The following KRTAP20-2 variants were observed in gnomAD, a reference collection of about 807,000 sequenced individuals.
KRTAP20-2 encodes the protein keratin associated protein 20-2.
A neutral mutation model predicts 5.2 loss-of-function variants in KRTAP20-2; 7 were observed. The ratio of observed to expected loss-of-function variants is 1.36; its 90% CI spans 0.77 to 2.55. The LOEUF (loss-of-function observed/expected upper bound fraction) is 2.55. Ranked by LOEUF, KRTAP20-2 falls within the 30% of genes most tolerant of loss-of-function variation. The pLI, the probability that KRTAP20-2 is intolerant of heterozygous loss-of-function variation, is 0.00. For synonymous variants in KRTAP20-2, 32 were observed against 33.7 expected (o/e 0.95, Z 0.17); for missense variants, 84 against 84.0 (o/e 1.00, Z 0.00).
chr21:30,635,307 A>G lies in KRTAP20-2; in HGVS notation c.44A>G (p.Tyr15Cys), dbSNP rs1484186650. Residue 15 changes from tyrosine to cysteine, a missense_variant, in exon 1 of 1, where the codon TAT becomes TGT. Physicochemically the swap from Tyr to Cys is radical, Grantham distance 194. Coordinates refer to ENST00000330798, the MANE Select transcript of KRTAP20-2 (RefSeq NM_181616.3). ...TACTATGGTGGTCTGCGTTATGGCT[A>G]TGGAGTCCTGGGCGGTGGCTATGGC... The part of the protein sequence containing the change: ...SNYYGGLRYG[Y>C]GVLGGGYGCG... 1.2e-6 allele frequency: 2 copies of G among 1,614,044 alleles called. No homozygotes were observed. Among genetic ancestry groups the G allele is most frequent in the Non-Finnish European group, 1.7e-6 (2 of 1,179,926 alleles).
Position 30,635,296 on chromosome 21 carries a change from G to C in KRTAP20-2, c.33G>C (p.Leu11=), listed in dbSNP as rs1418329725. MCYYSNYYGG[L]RYGYGVLGGG... is the part of the protein sequence containing the mutation. ...ACTACAGCAACTACTATGGTGGTCT[G>C]CGTTATGGCTATGGAGTCCTGGGCG... Residue 11 remains leucine (L), a synonymous_variant, in exon 1 of 1, where the codon CTG becomes CTC. Coordinates refer to ENST00000330798, the MANE Select transcript of KRTAP20-2 (RefSeq NM_181616.3). 4 of 1,614,076 alleles carry C rather than the reference G, an allele frequency of 2.5e-6. No homozygotes were observed. Among genetic ancestry groups the C allele is most frequent in the Non-Finnish European group, 2.5e-6 (3 of 1,180,022 alleles).
chr21:30,635,321 G>A lies in KRTAP20-2; in HGVS notation c.58G>A (p.Gly20Ser), dbSNP rs1426063734. The A allele has an allele frequency of 1.8e-5, 29 of 1,613,268 alleles. No individual in the cohort carries two copies. The East Asian group carries it at 3.8e-4, about 21-fold the overall frequency. ...GLRYGYGVLG[G>S]GYGCGCGYGH... ...GCGTTATGGCTATGGAGTCCTGGGC[G>A]GTGGCTATGGCTGTGGCTGTGGTTA... is the stretch of plus-strand genomic sequence containing the variant. The change falls in exon 1 of 1, where the codon GGT becomes AGT. Residue 20 changes from glycine (G) to serine (S), a missense_variant. Coordinates refer to ENST00000330798, the MANE Select transcript of KRTAP20-2 (RefSeq NM_181616.3).
Position 30,635,303 on chromosome 21 carries a change from G to A in KRTAP20-2, c.40G>A (p.Gly14Ser), listed in dbSNP as rs567110964. 6.2e-7 allele frequency: 1 copy of A among 1,614,142 alleles called. No individual in the cohort carries two copies. Among genetic ancestry groups the A allele is most frequent in the African/African-American group, 1.3e-5 (1 of 75,052 alleles). Reference sequence around the variant, plus strand: ...CAACTACTATGGTGGTCTGCGTTATGGCTATGGAGTCCTGGGCGGTGGCTA... The same window carrying A: ...CAACTACTATGGTGGTCTGCGTTATAGCTATGGAGTCCTGGGCGGTGGCTA... ...YSNYYGGLRY[G>S]YGVLGGGYGC... Residue 14 changes from glycine (G) to serine (S), a missense_variant, in exon 1 of 1, where the codon GGC (glycine) becomes AGC (serine). Physicochemically the swap from Gly to Ser is moderately conservative, Grantham distance 56. Coordinates refer to ENST00000330798, the MANE Select transcript of KRTAP20-2 (RefSeq NM_181616.3).
rs1196079460 is a variant in KRTAP20-2 at position 30,635,232 on chromosome 21, G to C, written c.-32G>C. ...TTCAAACTGAAGAAACTGATTCCTT[G>C]CTCCTCAACCAAATCCTCCACTCTT... On this transcript the variant is annotated 5_prime_UTR_variant, in exon 1 of 1. Transcript: ENST00000330798. 1 of 1,611,568 alleles carries C rather than the reference G, an allele frequency of 6.2e-7. No homozygotes were observed. The highest frequency in any genetic ancestry group is 1.1e-5 in the South Asian group (1 of 90,998).
rs760841338 is a variant in KRTAP20-2, at chr21:30,635,418, G to T, written c.155G>T (p.Arg52Leu). The change falls in exon 1 of 1, where the codon CGC (arginine) becomes CTC (leucine). Residue 52 changes from arginine to leucine, a missense_variant. Physicochemically the swap from Arg to Leu is moderately radical, Grantham distance 102. Transcript: ENST00000330798. ...GYGGYGYGCC[R>L]PSCYGRYWSC... is the part of the protein sequence containing the mutation. ...GGTGGCTATGGATATGGCTGCTGCCGCCCATCTTGCTATGGAAGATACTGG... is the reference window on the plus strand; with the variant it reads ...GGTGGCTATGGATATGGCTGCTGCCTCCCATCTTGCTATGGAAGATACTGG... 4.3e-6 allele frequency: 7 copies of T among 1,614,024 alleles called. No individual in the cohort carries two copies. The highest frequency in any genetic ancestry group is 5.9e-6 in the Non-Finnish European group (7 of 1,179,892).
Position 30,635,380 on chromosome 21 carries a change from T to C in KRTAP20-2, c.117T>C (p.Tyr39=). ...GHGYGGLGCG[Y]GRGYGGYGYG... is the part of the protein sequence containing the mutation. ...GCTATGGAGGCCTGGGCTGTGGCTA[T>C]GGCCGTGGCTATGGTGGCTATGGAT... Residue 39 remains tyrosine (Y), a synonymous_variant, in exon 1 of 1, where the codon TAT becomes TAC. Coordinates refer to ENST00000330798, the MANE Select transcript of KRTAP20-2 (RefSeq NM_181616.3). 1.9e-6 allele frequency: 3 copies of C among 1,611,574 alleles called. No individual in the cohort carries two copies. The highest frequency in any genetic ancestry group is 2.5e-6 in the Non-Finnish European group (3 of 1,177,636).
Position 30,635,479 on chromosome 21 carries a change from A to G in KRTAP20-2, c.*18A>G. 3 of 1,612,720 alleles carry G rather than the reference A, an allele frequency of 1.9e-6. No homozygotes were observed. The highest frequency in any genetic ancestry group is 2.5e-6 in the Non-Finnish European group (3 of 1,178,760). On this transcript the variant is annotated 3_prime_UTR_variant, in exon 1 of 1. Transcript: ENST00000330798. ...TCTACTGAGAAATATCTGGCAACTC[A>G]ACCTCGTGGTCTCTTCCACATGGAC...
In KRTAP20-2 at chr21:30,635,575, C is replaced by G. The variant is rs1277374082; in HGVS notation, c.*114C>G. ...TCTGTTGTAAAATGTCAACATCATC[C>G]TTAAGTATCTGGAAGAAAAAATAGG... On this transcript the variant is annotated 3_prime_UTR_variant, in exon 1 of 1. Transcript: ENST00000330798. The G allele has an allele frequency of 9.6e-7, 1 of 1,036,376 alleles. No homozygotes were observed. Among genetic ancestry groups the G allele is most frequent in the Non-Finnish European group, 1.4e-6 (1 of 689,744 alleles). The allele number at this position is 1,036,376 out of a possible 1,614,324, so 64.2% of individuals were successfully genotyped here.
rs866404073 is a variant in KRTAP20-2, at chr21:30,635,457, A to G, written c.194A>G (p.Tyr65Cys). Residue 65 changes from tyrosine to cysteine, a missense_variant, in exon 1 of 1, where the codon TAC (tyrosine) becomes TGC (cysteine). Tyr to Cys is a radical substitution (Grantham distance 194, BLOSUM62 -2). Coordinates refer to ENST00000330798, the MANE Select transcript of KRTAP20-2 (RefSeq NM_181616.3). ...CYGRYWSCGFY is the reference protein window; with the variant it reads ...CYGRYWSCGFC ...GGAAGATACTGGTCCTGTGGCTTCT[A>G]CTGAGAAATATCTGGCAACTCAACC... 7.4e-6 allele frequency: 12 copies of G among 1,614,062 alleles called. No homozygotes were observed. Among genetic ancestry groups the G allele is most frequent in the Non-Finnish European group, 9.3e-6 (11 of 1,179,910 alleles).
rs575433530 is a variant in KRTAP20-2, at chr21:30,635,590, G to C, written c.*129G>C. 29 of 858,606 alleles carry C rather than the reference G, an allele frequency of 3.4e-5. No homozygotes were observed. In the East Asian group the frequency reaches 6.6e-4, roughly 20 times the overall value. The allele number at this position is 858,606 out of a possible 1,614,324, so 53.2% of individuals were successfully genotyped here. ...CAACATCATCCTTAAGTATCTGGAA[G>C]AAAAAATAGGTCAGATGCTGCAAGC... On this transcript the variant is annotated 3_prime_UTR_variant, in exon 1 of 1. Coordinates refer to ENST00000330798, the MANE Select transcript of KRTAP20-2 (RefSeq NM_181616.3).
In KRTAP20-2 at chr21:30,635,314, C is replaced by T. The variant is rs753967926; in HGVS notation, c.51C>T (p.Val17=). 6 of 1,613,932 alleles carry T rather than the reference C, an allele frequency of 3.7e-6. No homozygotes were observed. Among genetic ancestry groups the T allele is most frequent in the Non-Finnish European group, 5.1e-6 (6 of 1,179,808 alleles). ...YYGGLRYGYG[V]LGGGYGCGCG... ...GTGGTCTGCGTTATGGCTATGGAGT[C>T]CTGGGCGGTGGCTATGGCTGTGGCT... Residue 17 remains valine, a synonymous_variant, in exon 1 of 1, where the codon GTC becomes GTT. Transcript: ENST00000330798.
chr21:30,635,371 C>T lies in KRTAP20-2; in HGVS notation c.108C>T (p.Gly36=). Residue 36 remains glycine (G), a synonymous_variant, in exon 1 of 1, where the codon GGC becomes GGT. Transcript: ENST00000330798. ...ATGGCCATGGCTATGGAGGCCTGGGCTGTGGCTATGGCCGTGGCTATGGTG... is the reference window on the plus strand; with the variant it reads ...ATGGCCATGGCTATGGAGGCCTGGGTTGTGGCTATGGCCGTGGCTATGGTG... ...CGYGHGYGGL[G]CGYGRGYGGY... 1 of 1,610,882 alleles carries T rather than the reference C, an allele frequency of 6.2e-7. No homozygotes were observed. Among genetic ancestry groups the T allele is most frequent in the Non-Finnish European group, 8.5e-7 (1 of 1,177,036 alleles).
chr21:30,635,404 A>G lies in KRTAP20-2; in HGVS notation c.141A>G (p.Gly47=). 1.2e-6 allele frequency: 2 copies of G among 1,613,924 alleles called. No homozygotes were observed. Among genetic ancestry groups the G allele is most frequent in the South Asian group, 1.1e-5 (1 of 91,076 alleles). The part of the protein sequence containing the change: ...CGYGRGYGGY[G]YGCCRPSCYG... ...ATGGCCGTGGCTATGGTGGCTATGG[A>G]TATGGCTGCTGCCGCCCATCTTGCT... is the stretch of plus-strand genomic sequence containing the variant. The change falls in exon 1 of 1, where the codon GGA becomes GGG. Residue 47 remains glycine, a synonymous_variant. Coordinates refer to ENST00000330798, the MANE Select transcript of KRTAP20-2 (RefSeq NM_181616.3).
rs1363743549 is a variant in KRTAP20-2, at chr21:30,635,391, A to C, written c.128A>C (p.Tyr43Ser). ...GGLGCGYGRG[Y>S]GGYGYGCCRP... ...CTGGGCTGTGGCTATGGCCGTGGCT[A>C]TGGTGGCTATGGATATGGCTGCTGC... is the stretch of plus-strand genomic sequence containing the variant. Residue 43 changes from tyrosine (Y) to serine (S), a missense_variant, in exon 1 of 1, where the codon TAT becomes TCT. By Grantham distance (144) the Tyr-to-Ser change is moderately radical. Transcript: ENST00000330798. The C allele has an allele frequency of 1.2e-6, 2 of 1,612,902 alleles. No individual in the cohort carries two copies. The highest frequency in any genetic ancestry group is 1.7e-5 in the Admixed American group (1 of 59,998).
rs185062214 is a variant in KRTAP20-2, at chr21:30,635,358, A to G, written c.95A>G (p.Tyr32Cys). Reference protein sequence around the residue: ...YGCGCGYGHGYGGLGCGYGRG... With the variant: ...YGCGCGYGHGCGGLGCGYGRG... ...TGTGGCTGTGGTTATGGCCATGGCT[A>G]TGGAGGCCTGGGCTGTGGCTATGGC... Residue 32 changes from tyrosine to cysteine, a missense_variant, in exon 1 of 1, where the codon TAT becomes TGT. Transcript: ENST00000330798. 950 of 1,609,932 alleles carry G rather than the reference A, an allele frequency of 5.9e-4. 12 individuals are homozygous for G. The East Asian group carries it at 0.014, about 24-fold the overall frequency.
At position 30,635,427 on chromosome 21, in the gene KRTAP20-2, G is replaced by C. The variant is rs1247538646; in HGVS notation, c.164G>C (p.Cys55Ser). 6.2e-7 allele frequency: 1 copy of C among 1,614,132 alleles called. No homozygotes were observed. The highest frequency in any genetic ancestry group is 8.5e-7 in the Non-Finnish European group (1 of 1,179,970). The change falls in exon 1 of 1, where the codon TGC becomes TCC. Residue 55 changes from cysteine (C) to serine (S), a missense_variant. Transcript: ENST00000330798. ...GYGYGCCRPS[C>S]YGRYWSCGFY ...GGATATGGCTGCTGCCGCCCATCTT[G>C]CTATGGAAGATACTGGTCCTGTGGC...
In KRTAP20-2 at chr21:30,635,326, C is replaced by T. The variant is rs1479456938; in HGVS notation, c.63C>T (p.Gly21=). 3.7e-6 allele frequency: 6 copies of T among 1,613,364 alleles called. No individual in the cohort carries two copies. The highest frequency in any genetic ancestry group is 3.3e-5 in the Admixed American group (2 of 60,014). ...LRYGYGVLGG[G]YGCGCGYGHG... ...ATGGCTATGGAGTCCTGGGCGGTGG[C>T]TATGGCTGTGGCTGTGGTTATGGCC... is the stretch of plus-strand genomic sequence containing the variant. The change falls in exon 1 of 1, where the codon GGC becomes GGT. Residue 21 remains glycine (G), a synonymous_variant. Coordinates refer to ENST00000330798, the MANE Select transcript of KRTAP20-2 (RefSeq NM_181616.3).
Position 30,635,614 on chromosome 21 carries a change from G to A in KRTAP20-2, c.*153G>A. On this transcript the variant is annotated 3_prime_UTR_variant, in exon 1 of 1. Transcript: ENST00000330798. ...AGAAAAAATAGGTCAGATGCTGCAAGCCTCATCTAGAGTAACTGAAATCAT... is the reference window on the plus strand; with the variant it reads ...AGAAAAAATAGGTCAGATGCTGCAAACCTCATCTAGAGTAACTGAAATCAT... The A allele has an allele frequency of 2.9e-6, 2 of 700,884 alleles. No individual in the cohort carries two copies. The highest frequency in any genetic ancestry group is 2.5e-6 in the Non-Finnish European group (1 of 402,250). 43.4% of individuals were successfully genotyped at this position (700,884 alleles called of 1,614,324 possible).
At position 30,635,415 on chromosome 21, in the gene KRTAP20-2, G is replaced by C. The variant is rs1221585940; in HGVS notation, c.152G>C (p.Cys51Ser). Reference protein sequence around the residue: ...RGYGGYGYGCCRPSCYGRYWS... With the variant: ...RGYGGYGYGCSRPSCYGRYWS... ...TATGGTGGCTATGGATATGGCTGCT[G>C]CCGCCCATCTTGCTATGGAAGATAC... Residue 51 changes from cysteine (C) to serine (S), a missense_variant, in exon 1 of 1, where the codon TGC becomes TCC. Cys to Ser is a moderately radical substitution (Grantham distance 112). Coordinates refer to ENST00000330798, the MANE Select transcript of KRTAP20-2 (RefSeq NM_181616.3). 6.2e-7 allele frequency: 1 copy of C among 1,614,082 alleles called. No individual in the cohort carries two copies. Among genetic ancestry groups the C allele is most frequent in the Non-Finnish European group, 8.5e-7 (1 of 1,179,924 alleles).
Sources: allele counts gnomAD v4.1 joint callset, GRCh38; gene constraint gnomAD v4.1.1; transcripts MANE v1.5; gene names NCBI Gene and HGNC (gene_info 2026-07-23, HGNC 2026-07-21).